The following WDR75 variants were observed in gnomAD, a reference collection of about 807,000 sequenced individuals.
WDR75 encodes WD repeat domain 75, also known as WD repeat-containing protein 75.
Under a neutral mutation model 106.1 loss-of-function variants are expected in WDR75, and 52 were observed. The observed-to-expected ratio is 0.49, with a 90% CI of 0.39 to 0.62. The LOEUF (loss-of-function observed/expected upper bound fraction) is 0.62, where lower values mean the gene tolerates loss of function less well. Ranked by LOEUF, WDR75 falls within the 20% of genes least tolerant of loss-of-function variation. The pLI is 0.00. For synonymous variants in WDR75, 333 were observed against 335.5 expected (o/e 0.99, Z 0.08); for missense variants, 905 against 970.3 (o/e 0.93, Z 0.89).
Position 189,463,952 on chromosome 2 carries a change from G to C in WDR75, c.1104G>C (p.Gln368His). The change falls in exon 11 of 21, where the codon CAG (glutamine) becomes CAC (histidine). Residue 368 changes from glutamine to histidine, a missense_variant. Physicochemically the swap from Gln to His is conservative, Grantham distance 24 (BLOSUM62 0). Coordinates refer to ENST00000314761, the MANE Select transcript of WDR75 (RefSeq NM_032168.3). ...TTTATTCTCTCCAGAGTGATAAACA[G>C]TTATACAATGTAAGATTTTGATCAT... is the stretch of plus-strand genomic sequence containing the variant. ...LQFYSLQSDK[Q>H]LYNLDIIQQE... The C allele has an allele frequency of 1.2e-6, 2 of 1,612,538 alleles. No individual in the cohort carries two copies. Among genetic ancestry groups the C allele is most frequent in the South Asian group, 1.1e-5 (1 of 90,956 alleles).
At chr2:189,463,623 C>G in intron 9 of WDR75, 71 bp from the exon 10 acceptor site, 1 of 1,504,896 alleles carries the variant, frequency 6.6e-7, no homozygotes, top group Non-Finnish European at 9.2e-7. Flanking sequence ...AAAAAGCCAC[C>G]CTGAGCCACA....
chr2:189,463,569 T>A, intron 9 of WDR75, 125 bp from the exon 10 acceptor site: 1 of 758,152 alleles, frequency 1.3e-6, no homozygotes, highest in Non-Finnish European at 2.2e-6. Flanking sequence ...ATAATAATAA[T>A]AATAATGTTT....
intron 2 of WDR75, chr2:189,449,127 A>G: frequency 3.1e-6 from 2 of 647,872 alleles, no homozygotes; most frequent in Non-Finnish European, 4.7e-6. Flanking sequence ...GTATTTAAGA[A>G]TAATGAAATG....
chr2:189,474,026 C>A (rs1687164681), intron 18 of WDR75, among the ~76,000 whole-genome samples, 160 bp from the exon 19 acceptor site: 1 of 152,200 alleles, frequency 6.6e-6, no homozygotes. Flanking sequence ...TGCTAGGCCT[C>A]AGTTGCTTTC....
At chr2:189,449,861 A>G in intron 2 of WDR75, 2 of 984,752 alleles carry the variant, frequency 2.0e-6, no homozygotes, top group Non-Finnish European at 1.2e-6. Context: ...CCATGTCTCT[A>G]TTTGCAGAAA....
rs143693535 is a variant in WDR75 at position 189,474,105 on chromosome 2, A to T, written c.2050-81A>T. 151 of 1,396,448 alleles carry T rather than the reference A, an allele frequency of 1.1e-4. No homozygotes were observed. The African/African-American group carries it at 1.9e-3, about 17-fold the overall frequency. The allele number at this position is 1,396,448 out of a possible 1,614,324, so 86.5% of individuals were successfully genotyped here. A position where few individuals can be genotyped will look rare whatever the true frequency, so the allele number is the denominator to read the frequency against. ...TTCCTTTCATCCCAGACTTTTTATG[A>T]TTCTGTAGTACTTACTGTTAAGTCA... On this transcript the variant is annotated intron_variant, in intron 18 of 20. Coordinates refer to ENST00000314761, the MANE Select transcript of WDR75 (RefSeq NM_032168.3).
chr2:189,468,335 T>A (rs906036989), intron 14 of WDR75, 140 bp from the exon 15 acceptor site: 11 of 692,520 alleles, frequency 1.6e-5, no homozygotes, highest in Non-Finnish European at 2.6e-5. Flanking sequence ...CACTTTTTTC[T>A]TCAGGATAAT....
chr2:189,450,594 G>A, intron 2 of WDR75: 2 of 1,138,218 alleles, frequency 1.8e-6, no homozygotes, highest in Admixed American at 5.2e-5. Flanking sequence ...TGAGATTACA[G>A]GTGGCAGCCA....
chr2:189,458,309 G>A (rs1359523121), intron 6 of WDR75, among the ~76,000 whole-genome samples: 1 of 152,146 alleles, frequency 6.6e-6, no homozygotes, highest in Non-Finnish European at 1.5e-5. Context: ...TAGGAAATAG[G>A]CTAGATATTA....
rs554807486 is a variant in WDR75, at chr2:189,445,470, G to A, written c.87-2909G>A. On this transcript the variant is annotated intron_variant, in intron 1 of 20. Coordinates refer to ENST00000314761, the MANE Select transcript of WDR75 (RefSeq NM_032168.3). ...AATGAGAAGATGAGGAAGGGCTTCC[G>A]GGAGAAAATTCTGAGCTGAATCTTA... 1.5e-4 allele frequency among the ~76,000 whole-genome samples: 23 copies of A among 152,198 alleles called. No individual in the cohort carries two copies. In the South Asian group the frequency reaches 3.1e-3, roughly 21 times the overall value.
chr2:189,473,484 G>A (rs1687155373), intron 18 of WDR75, among the ~76,000 whole-genome samples: 1 of 152,072 alleles, frequency 6.6e-6, no homozygotes, highest in African/African-American at 2.4e-5. Context: ...CTGCCTAAAG[G>A]ATTTAGACCT....
At chr2:189,455,133 C>G (rs1333991726) in intron 4 of WDR75, among the ~76,000 whole-genome samples, 187 bp from the exon 5 acceptor site, 13 of 151,862 alleles carry the variant, frequency 8.6e-5, no homozygotes, top group Admixed American at 8.5e-4. Flanking sequence ...CCCAGCTACT[C>G]AGGAGGCTGA....
rs770347589 is a variant in WDR75 at position 189,465,141 on chromosome 2, G to A, written c.1176G>A (p.Lys392=). ...GTCTGATCCAAATTGAACTAACAAA[G>A]GCTGCATTTGGCTGCTTTGGTAACT... ...DYGLIQIELT[K]AAFGCFGNWL... Residue 392 remains lysine (K), a synonymous_variant, in exon 12 of 21, where the codon AAG becomes AAA. Coordinates refer to ENST00000314761, the MANE Select transcript of WDR75 (RefSeq NM_032168.3). 1.1e-5 allele frequency: 18 copies of A among 1,612,918 alleles called. No individual in the cohort carries two copies. The highest frequency in any genetic ancestry group is 6.7e-5 in the Admixed American group (4 of 59,956).
At chr2:189,469,137 T>G (rs1687063700) in intron 15 of WDR75, among the ~76,000 whole-genome samples, 2 of 152,186 alleles carry the variant, frequency 1.3e-5, no homozygotes, top group Non-Finnish European at 2.9e-5. Flanking sequence ...AATAATCTTT[T>G]CATAGTTTGT....
chr2:189,449,741 G>A, intron 2 of WDR75: 1 of 986,590 alleles, frequency 1.0e-6, no homozygotes, highest in Non-Finnish European at 1.2e-6. Context: ...CCATATTTAT[G>A]ATTCTCATAT....
chr2:189,475,432 G>T lies in WDR75; in HGVS notation c.*15G>T. 1.3e-6 allele frequency: 2 copies of T among 1,526,716 alleles called. No individual in the cohort carries two copies. Among genetic ancestry groups the T allele is most frequent in the South Asian group, 1.2e-5 (1 of 83,290 alleles). The allele number at this position is 1,526,716 out of a possible 1,614,324, so 94.6% of individuals were successfully genotyped here. ...CTGCCCTTTAAGCCTTGGAGATGGG[G>T]AGGATCCTTGGACTTTGTGTTTTTG... is the stretch of plus-strand genomic sequence containing the variant. On this transcript the variant is annotated 3_prime_UTR_variant, in exon 21 of 21. Transcript: ENST00000314761.
chr2:189,470,041 C>T (rs1253484642), intron 16 of WDR75, 35 bp from the exon 17 acceptor site: 1 of 1,592,716 alleles, frequency 6.3e-7, no homozygotes, highest in Admixed American at 1.7e-5. Flanking sequence ...CCTTTTCAGG[C>T]AAAATGTTAT....
At chr2:189,449,799 G>A (rs773124879) in intron 2 of WDR75, 4 of 984,002 alleles carry the variant, frequency 4.1e-6, no homozygotes, top group Non-Finnish European at 3.6e-6. Flanking sequence ...TTTTTGACTT[G>A]GATAGATAAT....
intron 6 of WDR75, among the ~76,000 whole-genome samples, chr2:189,457,924 CTTTT>C (rs11395971): frequency 3.4e-5 from 4 of 116,362 alleles, no homozygotes; most frequent in Admixed American, 1.0e-4. Flanking sequence ...GCCAAGATTG[CTTTT>C]TTTTTTTTTT....
Sources: allele counts gnomAD v4.1 joint callset (sites outside exome capture counted in the v4.1 genomes callset), GRCh38; gene constraint gnomAD v4.1.1; transcripts MANE v1.5; gene names NCBI Gene and HGNC (gene_info 2026-07-23, HGNC 2026-07-21).